Variants in SEPTIN6 observed in about 807,000 individuals in gnomAD.
SEPTIN6 encodes the protein septin-6.
A neutral mutation model predicts 33.6 loss-of-function variants in SEPTIN6; 8 were observed. The observed-to-expected ratio is 0.24, with a 90% CI of 0.14 to 0.43. The LOEUF (loss-of-function observed/expected upper bound fraction) is 0.43. Among genes scored for constraint, SEPTIN6 ranks in the 20% least tolerant of loss-of-function variants. SEPTIN6 has a pLI of 1.00. For synonymous variants in SEPTIN6, 131 were observed against 140.0 expected, an observed-to-expected ratio of 0.94 and a Z score of 0.45; for missense variants, 250 against 340.8, an observed-to-expected ratio of 0.73 and a Z score of 2.10.
At chrX:119,631,401 C>T (rs1290342748) in intron 8 of SEPTIN6, among the ~76,000 whole-genome samples, 3 of 108,878 alleles carry the variant, frequency 2.8e-5, no homozygotes, top group Non-Finnish European at 5.7e-5. Flanking sequence ...AGGATGGTCT[C>T]GATCTCCTGA....
intron 2 of SEPTIN6, among the ~76,000 whole-genome samples, chrX:119,664,654 C>G (rs773642581): frequency 7.4e-5 from 8 of 108,208 alleles, no homozygotes; most frequent in Admixed American, 1.0e-4. Flanking sequence ...ATTGTGAAAC[C>G]CTGTCTCTAC....
At chrX:119,680,741 G>A (rs1182390794) in intron 1 of SEPTIN6, among the ~76,000 whole-genome samples, 1 of 109,403 alleles carries the variant, frequency 9.1e-6, no homozygotes, top group Non-Finnish European at 1.9e-5. Context: ...CCAGCACTTT[G>A]GGAGGCCGAG....
chrX:119,624,081 T>C (rs1182714644), intron 10 of SEPTIN6: 1 of 340,809 alleles, frequency 2.9e-6, no homozygotes, highest in East Asian at 7.8e-5. Flanking sequence ...ACTTGTAGGA[T>C]TAAATGTAAG....
chrX:119,618,967 A>C lies in SEPTIN6; in HGVS notation c.*1126T>G, dbSNP rs1427544227. 3.1e-6 allele frequency: 3 copies of C among 974,642 alleles called. No individual in the cohort carries two copies. The highest frequency in any genetic ancestry group is 3.9e-6 in the Non-Finnish European group (3 of 772,643). 80.3% of individuals were successfully genotyped at this position (974,642 alleles called of 1,213,427 possible). ...CTATCAGATGGGACCCATGATAAAA[A>C]CTTAGGGCTGGAATATTTTTAAACT... On this transcript the variant is annotated 3_prime_UTR_variant, in exon 11 of 11. Coordinates refer to ENST00000394610, the MANE Select transcript of SEPTIN6 (RefSeq NM_145799.4).
At chrX:119,621,348 G>A (rs1473543057) in intron 10 of SEPTIN6, among the ~76,000 whole-genome samples, 5 of 109,794 alleles carry the variant, frequency 4.6e-5, no homozygotes, top group South Asian at 3.9e-4. Flanking sequence ...AATACAGCAA[G>A]TAGAACTGAT....
chrX:119,622,845 C>T (rs1178101143), intron 10 of SEPTIN6, among the ~76,000 whole-genome samples: 1 of 112,263 alleles, frequency 8.9e-6, no homozygotes, highest in South Asian at 3.6e-4. Flanking sequence ...GAACTACATA[C>T]AGTGCAAAGA....
intron 6 of SEPTIN6, among the ~76,000 whole-genome samples, chrX:119,639,176 G>T (rs1323426346): frequency 8.9e-6 from 1 of 112,140 alleles, no homozygotes; most frequent in African/African-American, 3.2e-5. Flanking sequence ...TGGGTGTGTG[G>T]GGTGTCCTAA....
At chrX:119,627,876 T>C (rs1024204637) in intron 9 of SEPTIN6, among the ~76,000 whole-genome samples, 54 of 98,862 alleles carry the variant, frequency 5.5e-4, no homozygotes, top group Admixed American at 1.9e-3. Flanking sequence ...CTTAGCTCAC[T>C]GCAACCTCTG....
intron 3 of SEPTIN6, among the ~76,000 whole-genome samples, chrX:119,656,181 A>C (rs1377214939): frequency 8.9e-6 from 1 of 112,253 alleles, no homozygotes; most frequent in East Asian, 2.8e-4. Context: ...GCCTCACTAG[A>C]TTGCTAACGG....
chrX:119,663,858 A>G (rs115318617), intron 2 of SEPTIN6, among the ~76,000 whole-genome samples, 181 bp from the exon 3 acceptor site: 288 of 112,393 alleles, frequency 2.6e-3, no homozygotes, highest in African/African-American at 8.6e-3. Flanking sequence ...AAGGAACTAT[A>G]CAGACGGATC....
intron 10 of SEPTIN6, among the ~76,000 whole-genome samples, chrX:119,620,723 C>T (rs1189112853): frequency 9.0e-6 from 1 of 110,591 alleles, no homozygotes; most frequent in Non-Finnish European, 1.9e-5. Flanking sequence ...CAATTTCAAG[C>T]GATTCTCCTG....
At chrX:119,647,710 A>C (rs1442002623) in intron 5 of SEPTIN6, among the ~76,000 whole-genome samples, 1 of 107,971 alleles carries the variant, frequency 9.3e-6, no homozygotes, top group South Asian at 3.9e-4. Flanking sequence ...CTGGAGTGCA[A>C]AGGCGAGATC....
intron 3 of SEPTIN6, among the ~76,000 whole-genome samples, chrX:119,655,334 G>A (rs2054422837): frequency 9.1e-6 from 1 of 109,970 alleles, no homozygotes; most frequent in African/African-American, 3.3e-5. Flanking sequence ...TAAAGTTTCC[G>A]CTACTGCTCT....
chrX:119,662,431 G>T (rs2054564799), intron 3 of SEPTIN6, among the ~76,000 whole-genome samples: 1 of 111,527 alleles, frequency 9.0e-6, no homozygotes, highest in South Asian at 3.7e-4. Flanking sequence ...TGGAAATTTG[G>T]GCCTCATTCT....
chrX:119,664,006 CAG>C (rs1327895037), intron 2 of SEPTIN6, among the ~76,000 whole-genome samples: 4 of 110,813 alleles, frequency 3.6e-5, no homozygotes, highest in African/African-American at 9.9e-5. Context: ...GTTTTTGAGA[CAG>C]AGTCTTGCTC....
At chrX:119,679,893 G>A (rs2054919186) in intron 1 of SEPTIN6, among the ~76,000 whole-genome samples, 1 of 111,080 alleles carries the variant, frequency 9.0e-6, no homozygotes. Flanking sequence ...AATTAAAAAA[G>A]AAGGGATGAG....
At chrX:119,689,951 G>A (rs1396791653) in intron 1 of SEPTIN6, among the ~76,000 whole-genome samples, 2 of 110,912 alleles carry the variant, frequency 1.8e-5, no homozygotes, top group Admixed American at 9.6e-5. Context: ...GGCTGGTCTC[G>A]AACTCCTGAC....
chrX:119,657,523 A>G (rs1050437059), intron 3 of SEPTIN6, among the ~76,000 whole-genome samples: 2 of 110,141 alleles, frequency 1.8e-5, no homozygotes, highest in Non-Finnish European at 3.8e-5. Context: ...TTTTTTATCT[A>G]TTTTTTAGAG....
In SEPTIN6 at chrX:119,617,099, CGTGTGTGTGTGTGTGTGTGTGT is replaced by C. The variant is rs55820919; in HGVS notation, c.*2972_*2993del. ...TTAAGAGAAGTGAGGGATGTGTGTA[CGTGTGTGTGTGTGTGTGTGTGT>C]GTGTGTGTGTGTGTGTGTGTGTGTG... On this transcript the variant is annotated 3_prime_UTR_variant, in exon 11 of 11. Transcript: ENST00000394610. 5.8e-4 allele frequency: 403 copies of C among 692,060 alleles called. No homozygotes were observed. In the South Asian group the frequency reaches 0.012, roughly 20 times the overall value. 57.0% of individuals were successfully genotyped at this position (692,060 alleles called of 1,213,427 possible).
Sources: gnomAD v4.1 joint callset for allele counts (sites outside exome capture counted in the v4.1 genomes callset) on GRCh38, gnomAD v4.1.1 for gene constraint, MANE v1.5 for transcripts, NCBI Gene and HGNC (gene_info 2026-07-23, HGNC 2026-07-21) for gene names.